PIKFYVE: variants seen among roughly 807,000 people sequenced by gnomAD.
PIKFYVE encodes the protein 1-phosphatidylinositol 3-phosphate 5-kinase.
A neutral mutation model predicts 257.9 loss-of-function variants in PIKFYVE; 122 were observed. That is an observed-to-expected ratio of 0.47 (90% CI 0.41 to 0.55). The LOEUF (loss-of-function observed/expected upper bound fraction) is 0.55, where lower values mean the gene tolerates loss of function less well. PIKFYVE is among the 20% of genes least tolerant of loss of function. The probability of loss-of-function intolerance (pLI) is 0.00; values close to 1 mark genes in which losing one functional copy is unlikely to be tolerated. For synonymous variants in PIKFYVE, 892 were observed against 868.9 expected (o/e 1.03, Z -0.47); for missense variants, 2,160 against 2,536.6 (o/e 0.85, Z 3.19).
At chr2:208,331,122 A>C (rs757643855) in intron 23 of PIKFYVE, among the ~76,000 whole-genome samples, 29 of 152,180 alleles carry the variant, frequency 1.9e-4, no homozygotes, top group Non-Finnish European at 4.0e-4. Context: ...ATATTTGTAT[A>C]ATAAATTCGA....
intron 1 of PIKFYVE, among the ~76,000 whole-genome samples, chr2:208,270,518 C>G (rs777923611): frequency 2.6e-5 from 4 of 152,022 alleles, no homozygotes; most frequent in Non-Finnish European, 4.4e-5. Context: ...TTAAGAAGAT[C>G]TTCATCTTAA....
intron 32 of PIKFYVE, 107 bp from the exon 33 acceptor site, chr2:208,345,004 C>T (rs963913400): frequency 1.5e-5 from 12 of 774,886 alleles, no homozygotes; most frequent in East Asian, 2.7e-5. Flanking sequence ...ATTATGGAAA[C>T]GTATAATGAT....
chr2:208,332,523 A>C (rs1001906478), intron 23 of PIKFYVE, among the ~76,000 whole-genome samples: 1 of 152,202 alleles, frequency 6.6e-6, no homozygotes, highest in Admixed American at 6.5e-5. Flanking sequence ...AAGGATGTTC[A>C]TCAGAACATC....
At position 208,355,780 on chromosome 2, in the gene PIKFYVE, T is replaced by G. The variant is rs1007099753; in HGVS notation, c.*475T>G. ...ACTTATTATCAGAATTTCTGAAACC[T>G]TTACAAAAATTCTGATTTATTCCAT... On this transcript the variant is annotated 3_prime_UTR_variant, in exon 42 of 42. Coordinates refer to ENST00000264380, the MANE Select transcript of PIKFYVE (RefSeq NM_015040.4). 6.5e-6 allele frequency: 1 copy of G among 153,538 alleles called. No homozygotes were observed. Among genetic ancestry groups the G allele is most frequent in the African/African-American group, 2.4e-5 (1 of 41,596 alleles). 9.5% of individuals were successfully genotyped at this position (153,538 alleles called of 1,614,324 possible). A position where few individuals can be genotyped will look rare whatever the true frequency, so the allele number is the denominator to read the frequency against.
chr2:208,316,921 C>G (rs1695593976), intron 15 of PIKFYVE, among the ~76,000 whole-genome samples: 1 of 152,112 alleles, frequency 6.6e-6, no homozygotes, highest in Non-Finnish European at 1.5e-5. Context: ...GGGAAAACTG[C>G]CTAACCATAT....
chr2:208,342,305 T>C (rs918007149), intron 31 of PIKFYVE, among the ~76,000 whole-genome samples: 1 of 152,180 alleles, frequency 6.6e-6, no homozygotes, highest in African/African-American at 2.4e-5. Flanking sequence ...TTTAAATTCT[T>C]TTTGAGATTA....
chr2:208,267,502 GTTT>G (rs376773052), intron 1 of PIKFYVE, among the ~76,000 whole-genome samples: 14 of 109,126 alleles, frequency 1.3e-4, no homozygotes, highest in Middle Eastern at 6.5e-3. Flanking sequence ...TACATTGCCA[GTTT>G]TTTTTTTTTT....
In PIKFYVE at chr2:208,338,512, G is replaced by A; in HGVS notation, c.4616G>A (p.Ser1539Asn). 2 of 1,612,962 alleles carry A rather than the reference G, an allele frequency of 1.2e-6. No homozygotes were observed. The highest frequency in any genetic ancestry group is 1.7e-6 in the Non-Finnish European group (2 of 1,179,064). The change falls in exon 29 of 42, where the codon AGT becomes AAT. Residue 1539 changes from serine to asparagine, a missense_variant. Ser to Asn is a conservative substitution (Grantham distance 46). Around this residue, in one of 12 missense-constraint regions of PIKFYVE, gnomAD observed 699 missense variants for 855.8 expected, o/e 0.82. Coordinates refer to ENST00000264380, the MANE Select transcript of PIKFYVE (RefSeq NM_015040.4). ...RLRQGEESKI[S>N]AMDASPRNIS... ...AAAGTATTTACTTCTCTACAGATAA[G>A]TGCGATGGATGCATCTCCACGGAAT... is the stretch of plus-strand genomic sequence containing the variant.
intron 39 of PIKFYVE, 56 bp from the exon 40 acceptor site, chr2:208,353,842 A>G: frequency 6.3e-7 from 1 of 1,595,708 alleles, no homozygotes; most frequent in Non-Finnish European, 8.6e-7. Flanking sequence ...TACTTACATT[A>G]ACTAATCATT....
At chr2:208,309,469 A>G (rs550201851) in intron 12 of PIKFYVE, among the ~76,000 whole-genome samples, 24 of 152,294 alleles carry the variant, frequency 1.6e-4, no homozygotes, top group Non-Finnish European at 2.6e-4. Context: ...AATAGATTTC[A>G]TTAGTGGCCA....
At position 208,302,226 on chromosome 2, in the gene PIKFYVE, G is replaced by T; in HGVS notation, c.1209-16G>T. 6.2e-7 allele frequency: 1 copy of T among 1,611,020 alleles called. No individual in the cohort carries two copies. The highest frequency in any genetic ancestry group is 8.5e-7 in the Non-Finnish European group (1 of 1,177,326). On this transcript the variant is annotated splice_polypyrimidine_tract_variant and intron_variant, in intron 9 of 41. Transcript: ENST00000264380. ...CTGACTTTTAAAACTTTTCATTTTTGTGGGTCTTGATTCAGGGCACAAGCT... is the reference window on the plus strand; with the variant it reads ...CTGACTTTTAAAACTTTTCATTTTTTTGGGTCTTGATTCAGGGCACAAGCT...
intron 32 of PIKFYVE, among the ~76,000 whole-genome samples, chr2:208,343,503 A>G (rs1374491458): frequency 6.6e-6 from 1 of 152,228 alleles, no homozygotes; most frequent in Non-Finnish European, 1.5e-5. Context: ...TACCTATGAT[A>G]AAGTTAAATT....
chr2:208,314,979 C>T (rs1424048787), intron 14 of PIKFYVE, among the ~76,000 whole-genome samples: 1 of 151,924 alleles, frequency 6.6e-6, no homozygotes, highest in Non-Finnish European at 1.5e-5. Flanking sequence ...CAGTCAATTG[C>T]AGGGGACTTC....
At chr2:208,270,592 T>TG (rs1387316478) in intron 1 of PIKFYVE, among the ~76,000 whole-genome samples, 2 of 152,156 alleles carry the variant, frequency 1.3e-5, no homozygotes, top group Non-Finnish European at 2.9e-5. Flanking sequence ...GCAAAGATAG[T>TG]GGGGAACAAC....
intron 1 of PIKFYVE, 95 bp from the exon 2 acceptor site, chr2:208,271,416 A>T (rs563034282): frequency 1.7e-5 from 20 of 1,198,426 alleles, no homozygotes; most frequent in Non-Finnish European, 2.5e-5. Context: ...GACTTTTCAC[A>T]GAATAGGATT....
chr2:208,344,066 C>G (rs1698993305), intron 32 of PIKFYVE, among the ~76,000 whole-genome samples: 1 of 152,072 alleles, frequency 6.6e-6, no homozygotes, highest in Non-Finnish European at 1.5e-5. Flanking sequence ...GATCCACCCG[C>G]CTCGGCCTCC....
At chr2:208,272,962 C>T (rs1336271029) in intron 2 of PIKFYVE, among the ~76,000 whole-genome samples, 1 of 152,094 alleles carries the variant, frequency 6.6e-6, no homozygotes, top group Non-Finnish European at 1.5e-5. Flanking sequence ...AACTAAATTA[C>T]GTATTTTATT....
chr2:208,297,192 C>T (rs985930336), intron 7 of PIKFYVE, among the ~76,000 whole-genome samples: 7 of 152,224 alleles, frequency 4.6e-5, no homozygotes, highest in Admixed American at 1.3e-4. Context: ...TTTATTACAG[C>T]TTTTGACATT....
At chr2:208,336,305 T>C in intron 27 of PIKFYVE, 105 bp downstream of exon 27, 2 of 1,364,296 alleles carry the variant, frequency 1.5e-6, no homozygotes, top group African/African-American at 1.4e-5. Flanking sequence ...CATTTTGTGC[T>C]CAAGTTAAAG....
Sources: gnomAD v4.1 joint callset for allele counts (sites outside exome capture counted in the v4.1 genomes callset) on GRCh38, gnomAD v4.1.1 for gene constraint, gnomAD v4.1.1 regional missense constraint, MANE v1.5 for transcripts, NCBI Gene and HGNC (gene_info 2026-07-23, HGNC 2026-07-21) for gene names.